The following CEP131 variants were observed in gnomAD, a reference collection of about 807,000 sequenced individuals.
CEP131 encodes the protein centrosomal protein of 131 kDa.
CEP131 carries 99 observed loss-of-function variants against 136.8 expected under a neutral mutation model. The observed-to-expected ratio is 0.72, with a 90% CI of 0.62 to 0.86. The LOEUF is 0.86. CEP131 is among the 40% of genes least tolerant of loss of function. The probability of loss-of-function intolerance (pLI) is 0.00; values close to 1 mark genes in which losing one functional copy is unlikely to be tolerated. For missense variants in CEP131, 1,459 were observed against 1,463.0 expected, an observed-to-expected ratio of 1.00 and a Z score of 0.04; for synonymous variants, 646 against 612.7, an observed-to-expected ratio of 1.05 and a Z score of -0.80.
chr17:81,197,516 G>T, intron 13 of CEP131, 196 bp downstream of exon 13: 2 of 803,734 alleles, frequency 2.5e-6, no homozygotes, highest in South Asian at 1.9e-5. Context: ...AGACCCGTGG[G>T]GGGTGCTGCA....
chr17:81,190,166 C>T (rs1465802289), intron 24 of CEP131, among the ~76,000 whole-genome samples, 191 bp from the exon 25 acceptor site: 1 of 152,200 alleles, frequency 6.6e-6, no homozygotes, highest in Non-Finnish European at 1.5e-5. Context: ...CAACACAGGC[C>T]ACTGGAGTAT....
intron 1 of CEP131, among the ~76,000 whole-genome samples, chr17:81,222,160 G>C (rs1598336165): frequency 6.6e-6 from 1 of 152,238 alleles, no homozygotes; most frequent in African/African-American, 2.4e-5. Flanking sequence ...GGCGAACGGG[G>C]CCTCTCCATG....
chr17:81,218,512 A>G (rs1834417147), intron 2 of CEP131, among the ~76,000 whole-genome samples: 1 of 152,222 alleles, frequency 6.6e-6, no homozygotes, highest in Non-Finnish European at 1.5e-5. Context: ...CAAGCTGGTT[A>G]CCCCTCTGCT....
chr17:81,191,517 T>A (rs1439031152), intron 21 of CEP131, among the ~76,000 whole-genome samples, 182 bp from the exon 22 acceptor site: 1 of 152,158 alleles, frequency 6.6e-6, no homozygotes, highest in Non-Finnish European at 1.5e-5. Flanking sequence ...AGTGTGGGCA[T>A]AGGCGTACCA....
At chr17:81,217,291 C>G (rs1161794171) in intron 2 of CEP131, among the ~76,000 whole-genome samples, 1 of 151,934 alleles carries the variant, frequency 6.6e-6, no homozygotes, top group Non-Finnish European at 1.5e-5. Flanking sequence ...ATGGGGAATC[C>G]CGGGACAGCA....
At chr17:81,210,079 A>T (rs890752217) in intron 2 of CEP131, among the ~76,000 whole-genome samples, 1 of 94,428 alleles carries the variant, frequency 1.1e-5, no homozygotes, top group Non-Finnish European at 2.5e-5. Flanking sequence ...GGAGAAGCGG[A>T]CGCTAAGCGA....
rs1458414544 is a variant in CEP131, at chr17:81,203,272, G to C, written c.629+222C>G. On this transcript the variant is annotated intron_variant, in intron 6 of 25. Coordinates refer to ENST00000450824, the MANE Select transcript of CEP131 (RefSeq NM_014984.4). The surrounding 1 kb of genome is among the most constrained non-coding windows in gnomAD (Gnocchi z 4.6). ...ACAGAAGAGGGCGGCGGACGTGGAT[G>C]GGGAGCCCGGTTCACAGCTGCTCCA... Among the ~76,000 whole-genome samples the C allele has an allele frequency of 6.6e-6, 1 of 152,218 alleles. No homozygotes were observed.
rs1462081679 is a variant in CEP131 at position 81,208,218 on chromosome 17, G to A, written c.272+710C>T. On this transcript the variant is annotated intron_variant, in intron 3 of 25. Transcript: ENST00000450824. This position sits in a 1 kb window ranked among gnomAD's most constrained non-coding sequence, Gnocchi z 5.6. ...GCTGAGCTAAGAGCGGCTCCCGGAG[G>A]CTGCACTGGATAGGGTGTGGTGGCC... 6.6e-6 allele frequency among the ~76,000 whole-genome samples: 1 copy of A among 151,838 alleles called. No individual in the cohort carries two copies. The highest frequency in any genetic ancestry group is 1.9e-4 in the East Asian group (1 of 5,140).
At position 81,190,986 on chromosome 17, in the gene CEP131, A is replaced by T; in HGVS notation, c.2864T>A (p.Leu955His). The change falls in exon 23 of 26, where the codon CTT becomes CAT. Residue 955 changes from leucine to histidine, a missense_variant. Around this residue, in one of 3 missense-constraint regions of CEP131, gnomAD observed 1,026 missense variants for 964.2 expected, o/e 1.06. Transcript: ENST00000450824. Reference sequence around the variant, plus strand: ...CAGATTCTCGCCCTCGGCCTCCCCAAGCTGGCCCTTCAGCTCCGAGCACCG... The same window carrying T: ...CAGATTCTCGCCCTCGGCCTCCCCATGCTGGCCCTTCAGCTCCGAGCACCG... Reference protein sequence around the residue: ...QERCSELKGQLGEAEGENLRL... With the variant: ...QERCSELKGQHGEAEGENLRL... The T allele has an allele frequency of 6.2e-7, 1 of 1,608,040 alleles. No individual in the cohort carries two copies. The highest frequency in any genetic ancestry group is 8.5e-7 in the Non-Finnish European group (1 of 1,179,874).
intron 21 of CEP131, among the ~76,000 whole-genome samples, chr17:81,191,804 C>G (rs1281104196): frequency 6.6e-6 from 1 of 152,200 alleles, no homozygotes; most frequent in Non-Finnish European, 1.5e-5. Context: ...ACTGCCAAAG[C>G]CTGCCTGGCT....
Position 81,195,112 on chromosome 17 carries a change from C to CACACATGCCAACTCCAG in CEP131, c.2017-141_2017-140insCTGGAGTTGGCATGTGT, listed in dbSNP as rs143947172. On this transcript the variant is annotated intron_variant, in intron 16 of 25. Transcript: ENST00000450824. ...CATGGTTGGGTGTGCTGCCCCGAGA[C>CACACATGCCAACTCCAG]AGAGCCACTGCTGCCCTCCCCAGCG... 11 of 676,376 alleles carry CACACATGCCAACTCCAG rather than the reference C, an allele frequency of 1.6e-5. No individual in the cohort carries two copies. In the East Asian group the frequency reaches 2.9e-4, roughly 18 times the overall value. 41.9% of individuals were successfully genotyped at this position (676,376 alleles called of 1,614,324 possible).
Position 81,198,259 on chromosome 17 carries a change from C to T in CEP131, c.1326G>A (p.Glu442=), listed in dbSNP as rs1001701965. ...LAQDAAGDNL[E]MMAPSRGSAK... ...CGCTCCCCCTGCTCGGGGCCATCAT[C>T]TCCAGGTTGTCCCCAGCTGCATCCT... Residue 442 remains glutamate, a synonymous_variant, in exon 12 of 26, where the codon GAG becomes GAA. Transcript: ENST00000450824. 5 of 1,604,262 alleles carry T rather than the reference C, an allele frequency of 3.1e-6. No individual in the cohort carries two copies. In the African/African-American group the frequency reaches 4.0e-5, roughly 13 times the overall value.
rs143015202 is a variant in CEP131 at position 81,198,249 on chromosome 17, G to A, written c.1336C>T (p.Pro446Ser). The A allele has an allele frequency of 2.3e-3, 3,669 of 1,603,972 alleles. 6 individuals are homozygous for A. The highest frequency in any genetic ancestry group is 2.6e-3 in the Non-Finnish European group (3,043 of 1,175,536). ...CTGGACTTGGCGCTCCCCCTGCTCGGGGCCATCATCTCCAGGTTGTCCCCA... is the reference window on the plus strand; with the variant it reads ...CTGGACTTGGCGCTCCCCCTGCTCGAGGCCATCATCTCCAGGTTGTCCCCA... ...AAGDNLEMMA[P>S]SRGSAKSRGP... Residue 446 changes from proline to serine, a missense_variant, in exon 12 of 26, where the codon CCG becomes TCG. Transcript: ENST00000450824.
rs1284559416 is a variant in CEP131 at position 81,219,413 on chromosome 17, C to G, written c.177+467G>C. On this transcript the variant is annotated intron_variant, in intron 2 of 25. Transcript: ENST00000450824. The surrounding 1 kb of genome is among the most constrained non-coding windows in gnomAD (Gnocchi z 4.0). ...GGTTCGAGCAAATCTCCTGCCTCAG[C>G]CTCCCGAGTAGCTAGGATTACAGGC... is the stretch of plus-strand genomic sequence containing the variant. Among the ~76,000 whole-genome samples, 2 of 151,804 alleles carry G rather than the reference C, an allele frequency of 1.3e-5. No individual in the cohort carries two copies. The highest frequency in any genetic ancestry group is 3.9e-4 in the East Asian group (2 of 5,174).
rs915639094 is a variant in CEP131 at position 81,189,824 on chromosome 17, T to C, written c.3188A>G (p.Asp1063Gly). Reference protein sequence around the residue: ...TQHEAAVKRADHLEELLEQHR... With the variant: ...TQHEAAVKRAGHLEELLEQHR... ...CTGCTCCAGCAGCTCCTCCAGGTGG[T>C]CGGCCCGCTTCACCGCAGCCTGCAG... The change falls in exon 26 of 26, where the codon GAC becomes GGC. Residue 1063 changes from aspartate to glycine, a missense_variant. Coordinates refer to ENST00000450824, the MANE Select transcript of CEP131 (RefSeq NM_014984.4). 1 of 1,611,788 alleles carries C rather than the reference T, an allele frequency of 6.2e-7. No individual in the cohort carries two copies. Among genetic ancestry groups the C allele is most frequent in the South Asian group, 1.1e-5 (1 of 91,006 alleles).
At chr17:81,210,565 T>C (rs1368160907) in intron 2 of CEP131, among the ~76,000 whole-genome samples, 2 of 150,078 alleles carry the variant, frequency 1.3e-5, no homozygotes, top group African/African-American at 2.4e-5. Context: ...CGAGACTCCG[T>C]CAAAAAACAA....
rs1417871802 is a variant in CEP131 at position 81,199,470 on chromosome 17, G to T, written c.1103C>A (p.Thr368Asn). Residue 368 changes from threonine (T) to asparagine (N), a missense_variant, in exon 10 of 26, where the codon ACC becomes AAC. Coordinates refer to ENST00000450824, the MANE Select transcript of CEP131 (RefSeq NM_014984.4). Reference sequence around the variant, plus strand: ...AGGCTGCCGCATTCCTGGCACTCTGGTCTCCCTGGGATTCTCAGGTGGCCC... The same window carrying T: ...AGGCTGCCGCATTCCTGGCACTCTGTTCTCCCTGGGATTCTCAGGTGGCCC... ...ERGPPENPRE[T>N]RVPGMRQPAQ... 1.9e-6 allele frequency: 3 copies of T among 1,609,128 alleles called. No individual in the cohort carries two copies. Among genetic ancestry groups the T allele is most frequent in the Middle Eastern group, 3.3e-4 (2 of 6,014 alleles).
chr17:81,190,355 GCC>G (rs2146470352), intron 24 of CEP131, among the ~76,000 whole-genome samples: 1 of 152,274 alleles, frequency 6.6e-6, no homozygotes, highest in East Asian at 1.9e-4. Context: ...CCAGCCCAGG[GCC>G]CCGGGAGCTG....
rs201395189 is a variant in CEP131 at position 81,192,723 on chromosome 17, C to T, written c.2429+13G>A. The T allele has an allele frequency of 2.2e-4, 333 of 1,545,252 alleles. 2 individuals are homozygous for T. The African/African-American group carries it at 4.1e-3, about 19-fold the overall frequency. On this transcript the variant is annotated intron_variant, in intron 19 of 25. Coordinates refer to ENST00000450824, the MANE Select transcript of CEP131 (RefSeq NM_014984.4). ...GGGTCCCTGGGAGAGGGCGTGGTGCCCCCGGGCGGCACCTGGCTGCCTGCT... is the reference window on the plus strand; with the variant it reads ...GGGTCCCTGGGAGAGGGCGTGGTGCTCCCGGGCGGCACCTGGCTGCCTGCT...
Sources: gnomAD v4.1 joint callset for allele counts (sites outside exome capture counted in the v4.1 genomes callset) on GRCh38, gnomAD v4.1.1 for gene constraint, gnomAD v4.1.1 regional missense constraint, Gnocchi (gnomAD v3.1) non-coding constraint, MANE v1.5 for transcripts, NCBI Gene and HGNC (gene_info 2026-07-23, HGNC 2026-07-21) for gene names.